The following GNAO1 variants were observed in gnomAD, a reference collection of about 807,000 sequenced individuals.
GNAO1 encodes the protein guanine nucleotide-binding protein G(o) subunit alpha.
For synonymous variants in GNAO1, 164 were observed against 180.7 expected (o/e 0.91, Z 0.74); for missense variants, 166 against 478.7 (o/e 0.35, Z 6.10).
At chr16:56,318,600 G>C (rs1480158750) in intron 3 of GNAO1, among the ~76,000 whole-genome samples, 1 of 152,228 alleles carries the variant, frequency 6.6e-6, no homozygotes. Flanking sequence ...GTGCGTGCGC[G>C]TGCATGTCTG....
intron 2 of GNAO1, among the ~76,000 whole-genome samples, chr16:56,248,993 C>G (rs2036774577): frequency 6.6e-6 from 1 of 152,042 alleles, no homozygotes; most frequent in Non-Finnish European, 1.5e-5. Flanking sequence ...GCTGTGGTGG[C>G]CTATATAAGG....
At chr16:56,226,627 G>GT (rs1162586662) in intron 2 of GNAO1, 1 of 152,180 alleles carries the variant, frequency 6.6e-6, no homozygotes, top group Non-Finnish European at 1.5e-5. Context: ...GGAAAAAATG[G>GT]TTTTGCTCTG....
At chr16:56,350,316 C>T (rs1389964303) in intron 6 of GNAO1, among the ~76,000 whole-genome samples, 3 of 152,280 alleles carry the variant, frequency 2.0e-5, no homozygotes, top group East Asian at 1.9e-4. Context: ...GCTGGGTTTA[C>T]AGTGAGCAAG....
At chr16:56,288,644 T>C (rs1357795507) in intron 3 of GNAO1, among the ~76,000 whole-genome samples, 1 of 152,180 alleles carries the variant, frequency 6.6e-6, no homozygotes, top group African/African-American at 2.4e-5. Flanking sequence ...GTGGCCAGCG[T>C]GGGGGCCGGT....
At chr16:56,258,686 TC>T (rs1319005435) in intron 2 of GNAO1, among the ~76,000 whole-genome samples, 1 of 152,224 alleles carries the variant, frequency 6.6e-6, no homozygotes, top group Non-Finnish European at 1.5e-5. Context: ...CTCCCACAAA[TC>T]GGTCTGGACA....
chr16:56,220,828 A>T (rs2036477999), intron 2 of GNAO1, among the ~76,000 whole-genome samples: 1 of 151,832 alleles, frequency 6.6e-6, no homozygotes, highest in Non-Finnish European at 1.5e-5. Context: ...GCTCACTGCA[A>T]CCTCTGCTGC....
chr16:56,286,771 T>C (rs1432250357), intron 3 of GNAO1, among the ~76,000 whole-genome samples: 1 of 151,522 alleles, frequency 6.6e-6, no homozygotes, highest in Non-Finnish European at 1.5e-5. Context: ...CTCTCTCTCA[T>C]TGCCCCTCCT....
At chr16:56,302,242 C>T (rs926437180) in intron 3 of GNAO1, 17 of 152,338 alleles carry the variant, frequency 1.1e-4, no homozygotes, top group Admixed American at 3.9e-4. Flanking sequence ...TGAAGGGTTT[C>T]GACACACCCC....
At chr16:56,255,959 G>T (rs1365055606) in intron 2 of GNAO1, among the ~76,000 whole-genome samples, 1 of 152,288 alleles carries the variant, frequency 6.6e-6, no homozygotes, top group East Asian at 1.9e-4. Flanking sequence ...TTTTAAGTCT[G>T]CCCTGAGTTG....
At chr16:56,235,116 GGTGCAGTTC>G (rs1296317309) in intron 2 of GNAO1, 1 of 347,470 alleles carries the variant, frequency 2.9e-6, no homozygotes, top group African/African-American at 2.1e-5. Flanking sequence ...CAACTCTCAG[GGTGCAGTTC>G]GAAGAGGAGG....
At chr16:56,310,866 A>G (rs1415487775) in intron 3 of GNAO1, among the ~76,000 whole-genome samples, 1 of 152,092 alleles carries the variant, frequency 6.6e-6, no homozygotes, top group Non-Finnish European at 1.5e-5. Flanking sequence ...TGACTCATGG[A>G]CCAACACCTT....
rs1175615147 is a variant in GNAO1 at position 56,351,590 on chromosome 16, A to G, written c.877+53A>G. On this transcript the variant is annotated intron_variant, in intron 7 of 8. Transcript: ENST00000262493. This position sits in a 1 kb window ranked among gnomAD's most constrained non-coding sequence, Gnocchi z 6.1. Reference sequence around the variant, plus strand: ...GGAAGCCTGCCCCTGACAGGGACCCATGGCTCAGAGAACAGGCTGCTCGGC... The same window carrying G: ...GGAAGCCTGCCCCTGACAGGGACCCGTGGCTCAGAGAACAGGCTGCTCGGC... The G allele has an allele frequency of 2.9e-5, 42 of 1,462,880 alleles. No homozygotes were observed. Among genetic ancestry groups the G allele is most frequent in the African/African-American group, 6.9e-5 (5 of 72,094 alleles). The allele number at this position is 1,462,880 out of a possible 1,614,324, so 90.6% of individuals were successfully genotyped here.
chr16:56,249,062 G>A (rs1277170829), intron 2 of GNAO1, among the ~76,000 whole-genome samples: 1 of 152,230 alleles, frequency 6.6e-6, no homozygotes. Context: ...AACTACGGTG[G>A]TAGTGATTTA....
chr16:56,349,491 C>G (rs1172417240), intron 6 of GNAO1, among the ~76,000 whole-genome samples: 1 of 152,184 alleles, frequency 6.6e-6, no homozygotes, highest in African/African-American at 2.4e-5. Context: ...CTCCGGCTGC[C>G]CTTTTCTGAA....
At chr16:56,284,608 C>G (rs1212896353) in intron 3 of GNAO1, among the ~76,000 whole-genome samples, 1 of 152,166 alleles carries the variant, frequency 6.6e-6, no homozygotes, top group African/African-American at 2.4e-5. Context: ...AAGTGGTGCC[C>G]TCCCCCAAGC....
chr16:56,280,809 C>T (rs1231717852), intron 3 of GNAO1, among the ~76,000 whole-genome samples: 1 of 152,166 alleles, frequency 6.6e-6, no homozygotes, highest in African/African-American at 2.4e-5. Context: ...GGGGCCGGAC[C>T]ACAGAGGGTG....
chr16:56,194,164 TCCCTGGGGCTTTCTTCGCAGAGCC>T (rs1362062967), intron 2 of GNAO1: 2 of 456,374 alleles, frequency 4.4e-6, no homozygotes, highest in Non-Finnish European at 8.8e-6. Context: ...ATTCGAGAGC[TCCCTGGGGCTTTCTTCGCAGAGCC>T]CCCCTTGGCT....
At chr16:56,229,478 G>T (rs905763861) in intron 2 of GNAO1, among the ~76,000 whole-genome samples, 2 of 152,142 alleles carry the variant, frequency 1.3e-5, no homozygotes, top group African/African-American at 4.8e-5. Flanking sequence ...AAAGTGCTGG[G>T]ATTACAGGCG....
At chr16:56,291,201 C>T (rs1046082580) in intron 3 of GNAO1, among the ~76,000 whole-genome samples, 1 of 152,142 alleles carries the variant, frequency 6.6e-6, no homozygotes, top group South Asian at 2.1e-4. Context: ...AAACTGTTTT[C>T]CAAAGTGGCT....
Sources: allele counts gnomAD v4.1 joint callset (sites outside exome capture counted in the v4.1 genomes callset), GRCh38; gene constraint gnomAD v4.1.1; non-coding constraint Gnocchi (gnomAD v3.1); transcripts MANE v1.5; gene names NCBI Gene and HGNC (gene_info 2026-07-23, HGNC 2026-07-21).